PDX1: variants seen among roughly 807,000 people sequenced by gnomAD.
PDX1 encodes the protein pancreas/duodenum homeobox protein 1.
PDX1 carries 7 observed loss-of-function variants against 11.1 expected under a neutral mutation model. The observed-to-expected ratio is 0.63, with a 90% CI of 0.36 to 1.19. The LOEUF (loss-of-function observed/expected upper bound fraction) is 1.19, where lower values mean the gene tolerates loss of function less well. PDX1 is among the 50% of genes most tolerant of loss of function. PDX1 has a pLI of 0.02. For missense variants in PDX1, 449 were observed against 412.1 expected, an observed-to-expected ratio of 1.09 and a Z score of -0.78; for synonymous variants, 232 against 196.2, an observed-to-expected ratio of 1.18 and a Z score of -1.53.
Position 27,924,485 on chromosome 13 carries a change from G to C in PDX1, c.636G>C (p.Gly212=), listed in dbSNP as rs765415673. 1 of 1,612,542 alleles carries C rather than the reference G, an allele frequency of 6.2e-7. No homozygotes were observed. The highest frequency in any genetic ancestry group is 1.7e-5 in the Admixed American group (1 of 60,006). Residue 212 remains glycine (G), a synonymous_variant, in exon 2 of 2, where the codon GGG becomes GGC. Transcript: ENST00000381033. This position sits in a 1 kb window ranked among gnomAD's most constrained non-coding sequence, Gnocchi z 4.8. ...AGGAGGACAAGAAGCGCGGCGGCGG[G>C]ACAGCTGTCGGGGGTGGCGGGGTCG... ...KKEEDKKRGG[G]TAVGGGGVAE...
chr13:27,921,520 G>A (rs1003716435), intron 1 of PDX1, among the ~76,000 whole-genome samples: 3 of 152,224 alleles, frequency 2.0e-5, no homozygotes, highest in African/African-American at 7.2e-5. Flanking sequence ...GCCACTTCTG[G>A]TCACACCTGC....
Position 27,920,001 on chromosome 13 carries a change from A to C in PDX1, c.-138A>C. ...CCGCGCTGGCTGTGGGTTCCCTCTGAGATCAGTGCGGAGCTGTCAAAGCGA... is the reference window on the plus strand; with the variant it reads ...CCGCGCTGGCTGTGGGTTCCCTCTGCGATCAGTGCGGAGCTGTCAAAGCGA... On this transcript the variant is annotated 5_prime_UTR_variant, in exon 1 of 2. Transcript: ENST00000381033. 6 of 1,111,994 alleles carry C rather than the reference A, an allele frequency of 5.4e-6. No individual in the cohort carries two copies. Among genetic ancestry groups the C allele is most frequent in the Non-Finnish European group, 7.8e-6 (6 of 765,722 alleles). The allele number at this position is 1,111,994 out of a possible 1,614,324, so 68.9% of individuals were successfully genotyped here. A position where few individuals can be genotyped will look rare whatever the true frequency, so the allele number is the denominator to read the frequency against.
At position 27,925,676 on chromosome 13, in the gene PDX1, A is replaced by G. The variant is rs1485594516; in HGVS notation, c.*975A>G. ...TCCTCTTCCTCTTCTCTAGCTGCAC[A>G]CTTCACTACTGCACATCTTATAACT... On this transcript the variant is annotated 3_prime_UTR_variant, in exon 2 of 2. Coordinates refer to ENST00000381033, the MANE Select transcript of PDX1 (RefSeq NM_000209.4). 3.9e-5 allele frequency: 7 copies of G among 179,872 alleles called. No homozygotes were observed. The East Asian group carries it at 1.1e-3, about 29-fold the overall frequency. 11.1% of individuals were successfully genotyped at this position (179,872 alleles called of 1,614,324 possible). A position where few individuals can be genotyped will look rare whatever the true frequency, so the allele number is the denominator to read the frequency against.
rs1212668172 is a variant in PDX1, at chr13:27,924,293, GACGCGCACGGCCTAC to G, written c.451_465del (p.Thr151_Arg155del). On this transcript the variant is annotated inframe_deletion, in exon 2 of 2. Transcript: ENST00000381033. The surrounding 1 kb of genome is among the most constrained non-coding windows in gnomAD (Gnocchi z 4.8). ...CTGCGGAGCCGGAGGAGAACAAGCG[GACGCGCACGGCCTAC>G]ACGCGCGCACAGCTGCTAGAGCTGG... The G allele has an allele frequency of 6.2e-7, 1 of 1,609,726 alleles. No individual in the cohort carries two copies. The highest frequency in any genetic ancestry group is 8.5e-7 in the Non-Finnish European group (1 of 1,178,318).
chr13:27,920,110 CTCCCGGTGCCCAA>C lies in PDX1; in HGVS notation c.-22_-10del. The stretch of plus-strand genomic sequence containing the variant: ...CCGACTCCCGGCTCCCGGCTCCCGG[CTCCCGGTGCCCAA>C]TCCCGGGCCGCAGCCATGAACGGCG... On this transcript the variant is annotated 5_prime_UTR_variant, in exon 1 of 2. Transcript: ENST00000381033. The C allele has an allele frequency of 6.5e-7, 1 of 1,549,002 alleles. No individual in the cohort carries two copies. Among genetic ancestry groups the C allele is most frequent in the Non-Finnish European group, 8.7e-7 (1 of 1,146,406 alleles).
chr13:27,924,626 C>A lies in PDX1; in HGVS notation c.777C>A (p.Gly259=). ...CTGCCCCCGTTGCCGCCCGAGAGGG[C>A]CGCCTGCCGCCTGGCCTTAGCGCGT... ...PPAAPVAARE[G]RLPPGLSASP... Residue 259 remains glycine, a synonymous_variant, in exon 2 of 2, where the codon GGC becomes GGA. Transcript: ENST00000381033. This position sits in a 1 kb window ranked among gnomAD's most constrained non-coding sequence, Gnocchi z 4.8. The A allele has an allele frequency of 6.8e-7, 1 of 1,471,970 alleles. No homozygotes were observed. Among genetic ancestry groups the A allele is most frequent in the Non-Finnish European group, 8.9e-7 (1 of 1,117,382 alleles). 91.2% of individuals were successfully genotyped at this position (1,471,970 alleles called of 1,614,324 possible). A position where few individuals can be genotyped will look rare whatever the true frequency, so the allele number is the denominator to read the frequency against.
rs113194128 is a variant in PDX1, at chr13:27,922,127, T to C, written c.406+1583T>C. Among the ~76,000 whole-genome samples, 964 of 152,234 alleles carry C rather than the reference T, an allele frequency of 6.3e-3. 6 individuals are homozygous for C. Among genetic ancestry groups the C allele is most frequent in the African/African-American group, 0.021 (874 of 41,532 alleles). On this transcript the variant is annotated intron_variant, in intron 1 of 1. Coordinates refer to ENST00000381033, the MANE Select transcript of PDX1 (RefSeq NM_000209.4). ...GGGTCCCGAAAGAGGATTTGTGAGGTGGAGTAACTTCCCTATCCCAACCCA... is the reference window on the plus strand; with the variant it reads ...GGGTCCCGAAAGAGGATTTGTGAGGCGGAGTAACTTCCCTATCCCAACCCA...
chr13:27,921,799 A>T (rs1957789689), intron 1 of PDX1, among the ~76,000 whole-genome samples: 1 of 152,178 alleles, frequency 6.6e-6, no homozygotes, highest in African/African-American at 2.4e-5. Context: ...ACGAGGGCTG[A>T]ACTGCGCTGC....
At chr13:27,923,003 G>T (rs989004542) in intron 1 of PDX1, among the ~76,000 whole-genome samples, 5 of 152,074 alleles carry the variant, frequency 3.3e-5, no homozygotes, top group African/African-American at 1.2e-4. Context: ...AACCCAGTAG[G>T]GTTCCATCGC....
At position 27,920,537 on chromosome 13, in the gene PDX1, G is replaced by A. The variant is rs750762696; in HGVS notation, c.399G>A (p.Gln133=). ...CCAAAGCTCACGCGTGGAAAGGCCA[G>A]TGGGCAGGTAAGCCTGGCTCCCCAC... ...KSTKAHAWKG[Q]WAGGAYAAEP... The change falls in exon 1 of 2, where the codon CAG becomes CAA. Residue 133 remains glutamine, a synonymous_variant. Coordinates refer to ENST00000381033, the MANE Select transcript of PDX1 (RefSeq NM_000209.4). The A allele has an allele frequency of 1.2e-6, 2 of 1,612,936 alleles. No individual in the cohort carries two copies. Among genetic ancestry groups the A allele is most frequent in the African/African-American group, 2.7e-5 (2 of 74,936 alleles).
intron 1 of PDX1, among the ~76,000 whole-genome samples, chr13:27,923,804 C>G (rs1957803737): frequency 6.6e-6 from 1 of 152,206 alleles, no homozygotes; most frequent in Admixed American, 6.5e-5. Flanking sequence ...GTGAACTACA[C>G]AACGATCCGA....
intron 1 of PDX1, among the ~76,000 whole-genome samples, chr13:27,921,695 C>T (rs1719327586): frequency 6.6e-6 from 1 of 150,874 alleles, no homozygotes; most frequent in Non-Finnish European, 1.5e-5. Flanking sequence ...GGGCTTTGTG[C>T]GGGAGAGGGA....
At chr13:27,920,754 G>A (rs1037692369) in intron 1 of PDX1, among the ~76,000 whole-genome samples, 1 of 152,216 alleles carries the variant, frequency 6.6e-6, no homozygotes, top group Admixed American at 6.5e-5. Flanking sequence ...TCTCCTGGGA[G>A]TGTACACTCC....
chr13:27,925,305 C>A lies in PDX1; in HGVS notation c.*604C>A. ...TCCTCCTCCTCCTCTTCTTTTCCCTCCTCTTCCTCTTCCTCCTGCTCTCCT... is the reference window on the plus strand; with the variant it reads ...TCCTCCTCCTCCTCTTCTTTTCCCTACTCTTCCTCTTCCTCCTGCTCTCCT... On this transcript the variant is annotated 3_prime_UTR_variant, in exon 2 of 2. Transcript: ENST00000381033. 6.2e-6 allele frequency: 1 copy of A among 161,116 alleles called. No homozygotes were observed. Among genetic ancestry groups the A allele is most frequent in the South Asian group, 1.6e-4 (1 of 6,304 alleles). 10.0% of individuals were successfully genotyped at this position (161,116 alleles called of 1,614,324 possible). A position where few individuals can be genotyped will look rare whatever the true frequency, so the allele number is the denominator to read the frequency against.
In PDX1 at chr13:27,924,391, T is replaced by C. The variant is rs750392535; in HGVS notation, c.542T>C (p.Val181Ala). 1 of 1,613,020 alleles carries C rather than the reference T, an allele frequency of 6.2e-7. No individual in the cohort carries two copies. The highest frequency in any genetic ancestry group is 1.3e-5 in the African/African-American group (1 of 74,902). The change falls in exon 2 of 2, where the codon GTC becomes GCC. Residue 181 changes from valine to alanine, a missense_variant. Coordinates refer to ENST00000381033, the MANE Select transcript of PDX1 (RefSeq NM_000209.4). The surrounding 1 kb of genome is among the most constrained non-coding windows in gnomAD (Gnocchi z 4.8). ...CGGCCGCGCCGGGTGGAGCTGGCTG[T>C]CATGTTGAACTTGACCGAGAGACAC... ...ISRPRRVELAVMLNLTERHIK... is the reference protein window; with the variant it reads ...ISRPRRVELAAMLNLTERHIK...
rs1124607 is a variant in PDX1, at chr13:27,921,083, A to G, written c.406+539A>G. 5.9e-3 allele frequency among the ~76,000 whole-genome samples: 898 copies of G among 152,234 alleles called. 5 individuals carry two copies. Among genetic ancestry groups the G allele is most frequent in the African/African-American group, 0.02 (849 of 41,548 alleles). The stretch of plus-strand genomic sequence containing the variant: ...AGGGAGGGAAAGGAAACTGCACCCA[A>G]CCCAGCAGTGTCCGGCTGCCCTGGT... On this transcript the variant is annotated intron_variant, in intron 1 of 1. Coordinates refer to ENST00000381033, the MANE Select transcript of PDX1 (RefSeq NM_000209.4).
rs1957773291 is a variant in PDX1 at position 27,920,291 on chromosome 13, TGGCGCCCTG to T, written c.159_167del (p.Gly55_Leu57del). On this transcript the variant is annotated inframe_deletion, in exon 1 of 2. Transcript: ENST00000381033. ...CGCCGCCGCCGCCGCACCCGTTCCC[TGGCGCCCTG>T]GGCGCGCTGGAGCAGGGCAGCCCCC... 1 of 1,539,084 alleles carries T rather than the reference TGGCGCCCTG, an allele frequency of 6.5e-7. No homozygotes were observed. The highest frequency in any genetic ancestry group is 8.8e-7 in the Non-Finnish European group (1 of 1,142,436).
chr13:27,923,505 T>C (rs920425923), intron 1 of PDX1, among the ~76,000 whole-genome samples: 3 of 152,240 alleles, frequency 2.0e-5, no homozygotes, highest in Admixed American at 6.5e-5. Flanking sequence ...AAAACAATTA[T>C]GGAGAATTTG....
chr13:27,923,298 T>A (rs1201269779), intron 1 of PDX1, among the ~76,000 whole-genome samples: 3 of 152,210 alleles, frequency 2.0e-5, no homozygotes, highest in Non-Finnish European at 4.4e-5. Context: ...GAGAGGCTTG[T>A]TTCTGCACCA....
Sources: allele counts gnomAD v4.1 joint callset (sites outside exome capture counted in the v4.1 genomes callset), GRCh38; gene constraint gnomAD v4.1.1; non-coding constraint Gnocchi (gnomAD v3.1); transcripts MANE v1.5; gene names NCBI Gene and HGNC (gene_info 2026-07-23, HGNC 2026-07-21).